Variants in AKR1D1 observed in about 807,000 individuals in gnomAD.
AKR1D1 encodes aldo-keto reductase family 1 member D1, also known as delta(4)-3-ketosteroid 5-beta-reductase.
In AKR1D1, 32 loss-of-function variants were observed where a neutral mutation model predicts 42.6. The observed-to-expected ratio is 0.75, with a 90% CI of 0.57 to 1.01. AKR1D1 has a LOEUF of 1.01. Among genes scored for constraint, AKR1D1 ranks in the 50% least tolerant of loss-of-function variants. The pLI is 0.00. For missense variants in AKR1D1, 364 were observed against 402.2 expected (o/e 0.91, Z 0.81); for synonymous variants, 123 against 135.5 (o/e 0.91, Z 0.64).
intron 7 of AKR1D1, among the ~76,000 whole-genome samples, chr7:138,110,773 C>A (rs898281306): frequency 2.0e-5 from 3 of 151,820 alleles, no homozygotes; most frequent in East Asian, 1.9e-4. Context: ...AAACAAAAAA[C>A]CATGAGTTTA....
chr7:138,086,841 C>G (rs920047774), intron 1 of AKR1D1, among the ~76,000 whole-genome samples: 2 of 152,122 alleles, frequency 1.3e-5, no homozygotes, highest in African/African-American at 4.8e-5. Flanking sequence ...TAGAATCAAC[C>G]CTCTCACACA....
At chr7:138,079,586 T>C (rs1384102381) in intron 1 of AKR1D1, among the ~76,000 whole-genome samples, 3 of 152,216 alleles carry the variant, frequency 2.0e-5, no homozygotes, top group Admixed American at 1.3e-4. Flanking sequence ...CTTCTAACAC[T>C]TTTTGGAGAA....
chr7:138,088,087 C>T (rs996961037), intron 1 of AKR1D1, among the ~76,000 whole-genome samples: 2 of 151,968 alleles, frequency 1.3e-5, no homozygotes, highest in Non-Finnish European at 2.9e-5. Flanking sequence ...GATGGGGTCT[C>T]CCTATGTTGC....
chr7:138,109,650 A>G (rs1344896338), intron 7 of AKR1D1, among the ~76,000 whole-genome samples: 1 of 152,242 alleles, frequency 6.6e-6, no homozygotes. Context: ...AAAGGCGAAA[A>G]GATGCTGAAT....
intron 1 of AKR1D1, among the ~76,000 whole-genome samples, chr7:138,087,477 A>C (rs1005329950): frequency 1.3e-5 from 2 of 152,234 alleles, no homozygotes; most frequent in Non-Finnish European, 2.9e-5. Context: ...ACCAAATGTT[A>C]TTAAAATATA....
intron 2 of AKR1D1, among the ~76,000 whole-genome samples, chr7:138,089,685 T>C (rs1168194628): frequency 6.6e-6 from 1 of 152,206 alleles, no homozygotes; most frequent in Non-Finnish European, 1.5e-5. Flanking sequence ...TATTTATACG[T>C]ATACAATGTC....
At chr7:138,083,304 A>G (rs1803096431) in intron 1 of AKR1D1, among the ~76,000 whole-genome samples, 3 of 152,128 alleles carry the variant, frequency 2.0e-5, no homozygotes, top group Non-Finnish European at 1.5e-5. Context: ...AGTGATATTG[A>G]TATTTATATA....
chr7:138,098,038 T>C (rs2117445656), intron 4 of AKR1D1, 95 bp downstream of exon 4: 1 of 976,764 alleles, frequency 1.0e-6, no homozygotes, highest in African/African-American at 1.6e-5. Context: ...ATGCACCCTT[T>C]ACTTTCAATG....
At chr7:138,089,435 T>TA (rs201870108) in intron 2 of AKR1D1, among the ~76,000 whole-genome samples, 5,354 of 132,056 alleles carry the variant, frequency 0.041, 269 homozygotes, top group African/African-American at 0.12. Flanking sequence ...AAACGTAAAT[T>TA]AAAAAAAAAA....
chr7:138,088,606 T>C lies in AKR1D1; in HGVS notation c.99T>C (p.Pro33=), dbSNP rs758708910. The change falls in exon 2 of 9, where the codon CCT becomes CCC. Residue 33 remains proline, a synonymous_variant. Coordinates refer to ENST00000242375, the MANE Select transcript of AKR1D1 (RefSeq NM_005989.4). ...CAACCTCTTTGTCACTTCAGACCCC[T>C]AAGGGAGCCTGTGCAACATCGGTGA... The part of the protein sequence containing the change: ...LGTYSEPKST[P]KGACATSVKV... 1.2e-5 allele frequency: 19 copies of C among 1,614,180 alleles called. 1 individual carries two copies. In the South Asian group the frequency reaches 2.0e-4, roughly 17 times the overall value.
chr7:138,105,292 A>G lies in AKR1D1; in HGVS notation c.457-15A>G, dbSNP rs1794397872. 1.9e-6 allele frequency: 3 copies of G among 1,613,970 alleles called. No homozygotes were observed. The highest frequency in any genetic ancestry group is 1.7e-6 in the Non-Finnish European group (2 of 1,180,002). ...GTGAGGCTTGTTTGTTGACCTGTGG[A>G]CATTTACTCTACAGGCGATGGAAGC... On this transcript the variant is annotated splice_polypyrimidine_tract_variant and intron_variant, in intron 4 of 8. Transcript: ENST00000242375.
At chr7:138,095,719 T>A (rs948911409) in intron 3 of AKR1D1, among the ~76,000 whole-genome samples, 1 of 151,886 alleles carries the variant, frequency 6.6e-6, no homozygotes, top group Non-Finnish European at 1.5e-5. Flanking sequence ...AGAGACAGGG[T>A]TTTGCCATGT....
At chr7:138,100,505 C>T (rs186697865) in intron 4 of AKR1D1, among the ~76,000 whole-genome samples, 4 of 152,118 alleles carry the variant, frequency 2.6e-5, no homozygotes, top group Admixed American at 2.6e-4. Context: ...AATAAAGCTG[C>T]AGTCGCTATT....
chr7:138,091,265 C>A (rs1158874529), intron 2 of AKR1D1: 2 of 181,996 alleles, frequency 1.1e-5, no homozygotes, highest in Non-Finnish European at 2.3e-5. Context: ...CATATGTCAC[C>A]CCATTAGTCA....
At chr7:138,085,305 T>C (rs1327606530) in intron 1 of AKR1D1, among the ~76,000 whole-genome samples, 2 of 152,098 alleles carry the variant, frequency 1.3e-5, no homozygotes, top group African/African-American at 4.8e-5. Flanking sequence ...GCTGAATAAT[T>C]GAAGATTTTC....
At chr7:138,103,042 G>A (rs1195383008) in intron 4 of AKR1D1, among the ~76,000 whole-genome samples, 4 of 152,094 alleles carry the variant, frequency 2.6e-5, no homozygotes, top group Non-Finnish European at 5.9e-5. Flanking sequence ...TCCTCAAAAT[G>A]TACACTTCAA....
At chr7:138,096,487 A>G (rs969774279) in intron 3 of AKR1D1, among the ~76,000 whole-genome samples, 14 of 152,056 alleles carry the variant, frequency 9.2e-5, no homozygotes, top group African/African-American at 2.2e-4. Flanking sequence ...CCACGACTGA[A>G]CAACTCCCAT....
In AKR1D1 at chr7:138,091,761, C is replaced by G. The variant is rs144365681; in HGVS notation, c.262-7C>G. The G allele has an allele frequency of 6.3e-7, 1 of 1,596,460 alleles. No homozygotes were observed. The highest frequency in any genetic ancestry group is 1.1e-5 in the South Asian group (1 of 90,712). On this transcript the variant is annotated splice_region_variant and splice_polypyrimidine_tract_variant and intron_variant, in intron 2 of 8. Coordinates refer to ENST00000242375, the MANE Select transcript of AKR1D1 (RefSeq NM_005989.4). ...ATTAGTTAATTCTCCCTCTTTGATT[C>G]TTTCAGCTATGGGCTACAAATCATG...
At position 138,117,805 on chromosome 7, in the gene AKR1D1, G is replaced by C. The variant is rs771749609; in HGVS notation, c.*1143G>C. On this transcript the variant is annotated 3_prime_UTR_variant, in exon 9 of 9. Transcript: ENST00000242375. ...GAGGCCAAGGTGGGCAGATCAGGAG[G>C]TCAGGAGATCGAGACCATCTTGGCT... 6.6e-6 allele frequency: 1 copy of C among 152,118 alleles called. No homozygotes were observed. Among genetic ancestry groups the C allele is most frequent in the Admixed American group, 6.5e-5 (1 of 15,272 alleles). 9.4% of individuals were successfully genotyped at this position (152,118 alleles called of 1,614,324 possible). A position where few individuals can be genotyped will look rare whatever the true frequency, so the allele number is the denominator to read the frequency against.
Sources: allele counts gnomAD v4.1 joint callset (sites outside exome capture counted in the v4.1 genomes callset), GRCh38; gene constraint gnomAD v4.1.1; transcripts MANE v1.5; gene names NCBI Gene and HGNC (gene_info 2026-07-23, HGNC 2026-07-21).